Variants in PARP12 observed in about 807,000 individuals in gnomAD.
PARP12 encodes poly(ADP-ribose) polymerase family member 12.
In PARP12, 59 loss-of-function variants were observed where a neutral mutation model predicts 72.4. The ratio of observed to expected loss-of-function variants is 0.81; its 90% CI spans 0.66 to 1.01. PARP12 has a LOEUF of 1.01. Among genes scored for constraint, PARP12 ranks in the 50% least tolerant of loss-of-function variants. PARP12 has a pLI of 0.00. For missense variants in PARP12, 851 were observed against 914.0 expected (o/e 0.93, Z 0.89); for synonymous variants, 403 against 371.4 (o/e 1.09, Z -0.98).
chr7:140,041,975 A>G (rs1475829982), intron 5 of PARP12, 136 bp from the exon 6 acceptor site: 8 of 684,718 alleles, frequency 1.2e-5, no homozygotes, highest in Non-Finnish European at 1.2e-5. Context: ...TCCCAGAGGT[A>G]GAGGAAACTG....
intron 1 of PARP12, among the ~76,000 whole-genome samples, chr7:140,062,229 C>T (rs1817485930): frequency 1.3e-5 from 2 of 150,922 alleles, no homozygotes; most frequent in South Asian, 4.3e-4. Flanking sequence ...CTCCCTCCCT[C>T]CCCACCCCAC....
Position 140,031,712 on chromosome 7 carries a change from T to G in PARP12, c.1421+2523A>C, listed in dbSNP as rs142060596. On this transcript the variant is annotated intron_variant, in intron 8 of 11. Transcript: ENST00000263549. ...AGTTTGGACATTTGGCATCTTCTTG[T>G]GGCCCCCTAAAAACTAAATTAGAAT... Among the ~76,000 whole-genome samples, 795 of 152,310 alleles carry G rather than the reference T, an allele frequency of 5.2e-3. 6 individuals are homozygous for G. The highest frequency in any genetic ancestry group is 9.0e-3 in the Non-Finnish European group (610 of 68,026).
chr7:140,043,809 C>T (rs889777037), intron 5 of PARP12, among the ~76,000 whole-genome samples: 4 of 152,126 alleles, frequency 2.6e-5, no homozygotes, highest in African/African-American at 4.8e-5. Flanking sequence ...TGGGATTACA[C>T]GCGTGAGCCA....
intron 1 of PARP12, among the ~76,000 whole-genome samples, chr7:140,061,867 G>A (rs1051661663): frequency 6.6e-6 from 1 of 151,120 alleles, no homozygotes; most frequent in Non-Finnish European, 1.5e-5. Flanking sequence ...TCCTCAAATG[G>A]GATGTGATCT....
Position 140,024,556 on chromosome 7 carries a change from G to A in PARP12, c.*4C>T. On this transcript the variant is annotated 3_prime_UTR_variant, in exon 12 of 12. Transcript: ENST00000263549. ...GGTGAAAGGCCTGGAACACTCCTGT[G>A]CGCTCACTGTCGGCTGCTGAACAGG... The A allele has an allele frequency of 6.2e-7, 1 of 1,614,100 alleles. No individual in the cohort carries two copies. The highest frequency in any genetic ancestry group is 8.5e-7 in the Non-Finnish European group (1 of 1,179,990).
intron 4 of PARP12, among the ~76,000 whole-genome samples, chr7:140,053,800 A>C (rs1817067728): frequency 1.3e-5 from 2 of 152,230 alleles, no homozygotes; most frequent in Non-Finnish European, 2.9e-5. Context: ...CATGGAAAAA[A>C]AATCTCCAAG....
intron 7 of PARP12, 152 bp downstream of exon 7, chr7:140,037,563 G>A: frequency 9.7e-7 from 1 of 1,027,146 alleles, no homozygotes; most frequent in Non-Finnish European, 1.4e-6. Flanking sequence ...AGTGTCATCT[G>A]TCTCCAGGTC....
At chr7:140,043,946 T>C (rs1393134614) in intron 5 of PARP12, among the ~76,000 whole-genome samples, 2 of 152,066 alleles carry the variant, frequency 1.3e-5, no homozygotes, top group Non-Finnish European at 2.9e-5. Context: ...GAGGAAGAAA[T>C]GTGGCAGAGT....
At chr7:140,028,578 C>A in intron 9 of PARP12, 35 bp downstream of exon 9, 1 of 1,521,872 alleles carries the variant, frequency 6.6e-7, no homozygotes, top group South Asian at 1.2e-5. Context: ...TACAGAACAC[C>A]TTCCTGTCCA....
In PARP12 at chr7:140,062,940, C is replaced by A; in HGVS notation, c.-93G>T. ...GGGCGGCTCTCGCAGGGTGGAGACG[C>A]CGGCGGGAAACGAAACCGAAAGCGG... On this transcript the variant is annotated 5_prime_UTR_variant, in exon 1 of 12. Coordinates refer to ENST00000263549, the MANE Select transcript of PARP12 (RefSeq NM_022750.4). The A allele has an allele frequency of 9.3e-7, 1 of 1,076,956 alleles. No individual in the cohort carries two copies. The highest frequency in any genetic ancestry group is 1.2e-6 in the Non-Finnish European group (1 of 859,056). The allele number at this position is 1,076,956 out of a possible 1,614,324, so 66.7% of individuals were successfully genotyped here.
intron 7 of PARP12, among the ~76,000 whole-genome samples, chr7:140,036,980 T>C (rs1238207370): frequency 6.6e-6 from 1 of 152,190 alleles, no homozygotes; most frequent in Non-Finnish European, 1.5e-5. Flanking sequence ...TCAATTACTC[T>C]GTGTCCTACC....
intron 1 of PARP12, among the ~76,000 whole-genome samples, chr7:140,058,710 G>A (rs1051257675): frequency 6.6e-6 from 1 of 152,096 alleles, no homozygotes; most frequent in Non-Finnish European, 1.5e-5. Context: ...ACTTTGTTAT[G>A]GCAGCGCTGG....
At chr7:140,033,873 C>T in intron 8 of PARP12, 1 of 992,968 alleles carries the variant, frequency 1.0e-6, no homozygotes, top group Non-Finnish European at 1.2e-6. Flanking sequence ...GGTGTAATTC[C>T]ATCATTATTT....
At chr7:140,031,372 C>CATAAATAA (rs3082658) in intron 8 of PARP12, among the ~76,000 whole-genome samples, 3 of 151,936 alleles carry the variant, frequency 2.0e-5, no homozygotes, top group Admixed American at 6.6e-5. Flanking sequence ...GACCCTGTCT[C>CATAAATAA]ATAAATAAAT....
rs1358377692 is a variant in PARP12, at chr7:140,046,887, T to C, written c.983A>G (p.Glu328Gly). ...AGACAAGGGACATATTTCCTACCTTTCTATTTTGGGATTGCAATATGCCTC... is the reference window on the plus strand; with the variant it reads ...AGACAAGGGACATATTTCCTACCTTCCTATTTTGGGATTGCAATATGCCTC... ...IEEAYCNPKI[E>G]RILCSESAST... Residue 328 changes from glutamate (E) to glycine (G), a missense_variant, in exon 5 of 12, where the codon GAA (glutamate) becomes GGA (glycine). Glu to Gly is a moderately conservative substitution (Grantham distance 98). Around this residue, in one of 3 missense-constraint regions of PARP12, gnomAD observed 492 missense variants for 489.3 expected, o/e 1.01. Transcript: ENST00000263549. The C allele has an allele frequency of 6.2e-7, 1 of 1,613,458 alleles. No homozygotes were observed. The highest frequency in any genetic ancestry group is 8.5e-7 in the Non-Finnish European group (1 of 1,179,824).
Position 140,037,873 on chromosome 7 carries a change from G to A in PARP12, c.1183-17C>T. ...CACCGTGCCCTGCGATGGAAAGCCAGACACTTTATGAAGGCAAGAAACTGC... is the reference window on the plus strand; with the variant it reads ...CACCGTGCCCTGCGATGGAAAGCCAAACACTTTATGAAGGCAAGAAACTGC... On this transcript the variant is annotated splice_polypyrimidine_tract_variant and intron_variant, in intron 6 of 11. Transcript: ENST00000263549. The A allele has an allele frequency of 6.3e-7, 1 of 1,599,484 alleles. No homozygotes were observed. The highest frequency in any genetic ancestry group is 1.3e-5 in the African/African-American group (1 of 74,798).
chr7:140,029,297 A>G (rs1258442816), intron 8 of PARP12, among the ~76,000 whole-genome samples: 1 of 152,232 alleles, frequency 6.6e-6, no homozygotes, highest in Non-Finnish European at 1.5e-5. Flanking sequence ...TACAAGCATC[A>G]CATTATCTTT....
chr7:140,034,234 C>T lies in PARP12; in HGVS notation c.1421+1G>A, dbSNP rs373641350. 4.0e-5 allele frequency: 64 copies of T among 1,611,872 alleles called. No individual in the cohort carries two copies. The highest frequency in any genetic ancestry group is 5.1e-5 in the Non-Finnish European group (60 of 1,178,704). ...GTACCAAGCCCCCCACTGCAACCTA[C>T]CAGGTTTGCATGGTCGTCACATCCT... On this transcript the variant is annotated splice_donor_variant, in intron 8 of 11. Coordinates refer to ENST00000263549, the MANE Select transcript of PARP12 (RefSeq NM_022750.4). LOFTEE classifies it high-confidence loss of function.
intron 4 of PARP12, among the ~76,000 whole-genome samples, chr7:140,053,298 G>C (rs1308532764): frequency 6.6e-6 from 1 of 152,182 alleles, no homozygotes; most frequent in Non-Finnish European, 1.5e-5. Context: ...CAGCATGACT[G>C]AATCTCAAAA....
Sources: gnomAD v4.1 joint callset for allele counts (sites outside exome capture counted in the v4.1 genomes callset) on GRCh38, gnomAD v4.1.1 for gene constraint, gnomAD v4.1.1 regional missense constraint, MANE v1.5 for transcripts, NCBI Gene and HGNC (gene_info 2026-07-23, HGNC 2026-07-21) for gene names.